CSMD1: variants seen among roughly 807,000 people sequenced by gnomAD.
CSMD1 encodes the protein CUB and Sushi multiple domains 1.
A neutral mutation model predicts 417.5 loss-of-function variants in CSMD1; 213 were observed. The ratio of observed to expected loss-of-function variants is 0.51; its 90% CI spans 0.46 to 0.57. The LOEUF is 0.57. CSMD1 is among the 20% of genes least tolerant of loss of function. CSMD1 has a pLI of 0.00. For synonymous variants in CSMD1, 2,862 were observed against 1,736.8 expected, an observed-to-expected ratio of 1.65 and a Z score of -16.11; for missense variants, 6,923 against 4,529.7, an observed-to-expected ratio of 1.53 and a Z score of -15.17.
chr8:4,840,514 G>C (rs1489500931), intron 1 of CSMD1, among the ~76,000 whole-genome samples: 2 of 152,198 alleles, frequency 1.3e-5, no homozygotes, highest in Non-Finnish European at 2.9e-5. Flanking sequence ...AGTTATGGTG[G>C]TGAGACTTGC....
At chr8:3,018,890 C>T (rs1478437850) in intron 51 of CSMD1, among the ~76,000 whole-genome samples, 1 of 152,108 alleles carries the variant, frequency 6.6e-6, no homozygotes, top group Admixed American at 6.5e-5. Flanking sequence ...GATTCCAAAA[C>T]ATTCTAGATT....
intron 1 of CSMD1, among the ~76,000 whole-genome samples, chr8:4,654,081 C>T (rs1804077056): frequency 6.6e-6 from 1 of 152,096 alleles, no homozygotes; most frequent in Non-Finnish European, 1.5e-5. Flanking sequence ...GCCTCAGCAA[C>T]TTTTTTCTTT....
chr8:4,797,606 G>A (rs1013083533), intron 1 of CSMD1, among the ~76,000 whole-genome samples: 1 of 152,152 alleles, frequency 6.6e-6, no homozygotes, highest in Admixed American at 6.6e-5. Context: ...TGGGGGGAGA[G>A]AGAAAAAGAG....
rs760687732 is a variant in CSMD1 at position 3,188,981 on chromosome 8, C to A, written c.5429G>T (p.Arg1810Ile). The A allele has an allele frequency of 1.2e-6, 2 of 1,613,090 alleles. No individual in the cohort carries two copies. Among genetic ancestry groups the A allele is most frequent in the African/African-American group, 2.7e-5 (2 of 74,908 alleles). Residue 1810 changes from arginine (R) to isoleucine (I), a missense_variant, in exon 35 of 70, where the codon AGA becomes ATA. Coordinates refer to ENST00000635120, the MANE Select transcript of CSMD1 (RefSeq NM_033225.6). ...VPCSGNFTQR[R>I]GTILSPGYPE... is the part of the protein sequence containing the mutation. ...GTAGCCGGGGGACAGGATTGTACCT[C>A]TTCGTTGAGTGAAATTGCCACTGCA...
chr8:4,259,413 T>C (rs1803717003), intron 3 of CSMD1, among the ~76,000 whole-genome samples: 1 of 152,178 alleles, frequency 6.6e-6, no homozygotes, highest in African/African-American at 2.4e-5. Flanking sequence ...TTCATTCATT[T>C]CATAATTATA....
intron 10 of CSMD1, among the ~76,000 whole-genome samples, chr8:3,574,294 G>A (rs957599830): frequency 1.3e-5 from 2 of 152,236 alleles, no homozygotes; most frequent in African/African-American, 4.8e-5. Flanking sequence ...AGGCTGGAGT[G>A]CAGTGGCACG....
chr8:4,670,901 T>A (rs928268530), intron 1 of CSMD1, among the ~76,000 whole-genome samples: 4 of 152,192 alleles, frequency 2.6e-5, no homozygotes, highest in African/African-American at 9.7e-5. Context: ...CAAGGAAATT[T>A]TAGTGACAAG....
intron 2 of CSMD1, among the ~76,000 whole-genome samples, chr8:4,526,571 GAC>G (rs1428231620): frequency 6.6e-6 from 1 of 152,204 alleles, no homozygotes; most frequent in African/African-American, 2.4e-5. Context: ...GAAGGTAGCT[GAC>G]ACACACATTG....
chr8:4,368,105 C>A (rs1396414908), intron 3 of CSMD1, among the ~76,000 whole-genome samples: 1 of 152,098 alleles, frequency 6.6e-6, no homozygotes, highest in African/African-American at 2.4e-5. Flanking sequence ...AAGGGGAGTG[C>A]TTCTAGCTTT....
intron 11 of CSMD1, among the ~76,000 whole-genome samples, chr8:3,474,722 G>A (rs1563073478): frequency 6.6e-6 from 1 of 152,008 alleles, no homozygotes. Context: ...ACCTATTAAT[G>A]ATGTTAAGTG....
chr8:3,508,506 TAAAAAA>T, intron 10 of CSMD1, among the ~76,000 whole-genome samples: 1 of 148,604 alleles, frequency 6.7e-6, no homozygotes. Context: ...TAAAGTATAA[TAAAAAA>T]AAAAGAAAAA....
chr8:3,677,107 C>A (rs181595732), intron 7 of CSMD1, among the ~76,000 whole-genome samples: 1 of 152,000 alleles, frequency 6.6e-6, no homozygotes, highest in African/African-American at 2.4e-5. Flanking sequence ...AACCATGACA[C>A]ATGTAGTTCT....
At chr8:4,194,522 C>G (rs1445565908) in intron 3 of CSMD1, among the ~76,000 whole-genome samples, 1 of 152,152 alleles carries the variant, frequency 6.6e-6, no homozygotes, top group Non-Finnish European at 1.5e-5. Context: ...CAGGAAGCAT[C>G]TCAACAACTA....
At chr8:2,966,128 G>A (rs1424957641) in intron 58 of CSMD1, among the ~76,000 whole-genome samples, 174 bp from the exon 59 acceptor site, 1 of 152,186 alleles carries the variant, frequency 6.6e-6, no homozygotes, top group Admixed American at 6.5e-5. Flanking sequence ...CTGTCAGAAG[G>A]AACACTTGTA....
At position 4,812,530 on chromosome 8, in the gene CSMD1, T is replaced by C. The variant is rs765782493; in HGVS notation, c.86-174972A>G. ...AAATTTGATCATTATACATTCTATG[T>C]TTGCAACAAAATATCACATATACCA... On this transcript the variant is annotated intron_variant, in intron 1 of 69. Transcript: ENST00000635120. 5.3e-5 allele frequency among the ~76,000 whole-genome samples: 8 copies of C among 152,182 alleles called. No homozygotes were observed. In the South Asian group the frequency reaches 6.2e-4, roughly 12 times the overall value.
At chr8:3,522,372 C>A (rs1797544231) in intron 10 of CSMD1, among the ~76,000 whole-genome samples, 1 of 152,238 alleles carries the variant, frequency 6.6e-6, no homozygotes, top group South Asian at 2.1e-4. Context: ...ATGTCAGGAA[C>A]AAGTATAAAA....
At chr8:3,410,098 T>C (rs2116915292) in intron 12 of CSMD1, among the ~76,000 whole-genome samples, 1 of 152,316 alleles carries the variant, frequency 6.6e-6, no homozygotes, top group African/African-American at 2.4e-5. Flanking sequence ...GAATAACAGT[T>C]TGGTCTACAG....
At chr8:3,702,454 T>C (rs528658457) in intron 7 of CSMD1, among the ~76,000 whole-genome samples, 1 of 152,322 alleles carries the variant, frequency 6.6e-6, no homozygotes, top group Admixed American at 6.5e-5. Flanking sequence ...ATCCTCACAT[T>C]GAGAGCTGCT....
chr8:3,926,080 C>T (rs1584977050), intron 5 of CSMD1, among the ~76,000 whole-genome samples: 1 of 52,256 alleles, frequency 1.9e-5, no homozygotes, highest in African/African-American at 1.1e-4. Flanking sequence ...ACACAAACAC[C>T]ATACACACAC....
Sources: gnomAD v4.1 joint callset for allele counts (sites outside exome capture counted in the v4.1 genomes callset) on GRCh38, gnomAD v4.1.1 for gene constraint, MANE v1.5 for transcripts, NCBI Gene and HGNC (gene_info 2026-07-23, HGNC 2026-07-21) for gene names.